Variants in HS6ST3 observed in about 807,000 individuals in gnomAD.
HS6ST3 encodes the protein heparan sulfate 6-O-sulfotransferase 3, also known as heparan-sulfate 6-O-sulfotransferase 3.
HS6ST3 carries 12 observed loss-of-function variants against 36.7 expected under a neutral mutation model. That is an observed-to-expected ratio of 0.33 (90% CI 0.21 to 0.53). HS6ST3 has a LOEUF of 0.53. HS6ST3 is among the 20% of genes least tolerant of loss of function. HS6ST3 has a pLI of 0.95. For missense variants in HS6ST3, 584 were observed against 640.9 expected (o/e 0.91, Z 0.96); for synonymous variants, 240 against 257.5 (o/e 0.93, Z 0.65).
At chr13:96,526,279 C>T (rs1401473449) in intron 1 of HS6ST3, among the ~76,000 whole-genome samples, 1 of 152,066 alleles carries the variant, frequency 6.6e-6, no homozygotes, top group African/African-American at 2.4e-5. Flanking sequence ...GGAATTTACC[C>T]CAAGGATGAG....
At chr13:96,143,336 A>T in intron 1 of HS6ST3, among the ~76,000 whole-genome samples, 1 of 151,242 alleles carries the variant, frequency 6.6e-6, no homozygotes, top group East Asian at 1.9e-4. Flanking sequence ...ATTTAGGCTG[A>T]TTATCTGATA....
intron 1 of HS6ST3, among the ~76,000 whole-genome samples, chr13:96,504,153 C>T (rs905657878): frequency 6.6e-6 from 1 of 152,092 alleles, no homozygotes; most frequent in African/African-American, 2.4e-5. Flanking sequence ...GTTCATAGCA[C>T]TTAGGAAGTA....
chr13:96,434,471 G>A (rs573632203), intron 1 of HS6ST3, among the ~76,000 whole-genome samples: 1 of 152,254 alleles, frequency 6.6e-6, no homozygotes, highest in South Asian at 2.1e-4. Context: ...CTCCCTGCAG[G>A]CCCCTTGCCC....
chr13:96,528,133 C>T (rs760783960), intron 1 of HS6ST3, among the ~76,000 whole-genome samples: 3 of 152,170 alleles, frequency 2.0e-5, no homozygotes, highest in Non-Finnish European at 4.4e-5. Context: ...ATGAGAAGTA[C>T]ATGCTAAATA....
chr13:96,556,789 G>A (rs2056242659), intron 1 of HS6ST3, among the ~76,000 whole-genome samples: 1 of 152,136 alleles, frequency 6.6e-6, no homozygotes, highest in Non-Finnish European at 1.5e-5. Flanking sequence ...TATGAGAAGA[G>A]GAAACAATAG....
intron 1 of HS6ST3, among the ~76,000 whole-genome samples, chr13:96,267,080 G>A (rs1253891136): frequency 6.6e-6 from 1 of 152,144 alleles, no homozygotes; most frequent in Non-Finnish European, 1.5e-5. Flanking sequence ...TCTCATGATA[G>A]TGAATAAGTC....
chr13:96,158,055 G>A (rs1449764905), intron 1 of HS6ST3, among the ~76,000 whole-genome samples: 1 of 152,176 alleles, frequency 6.6e-6, no homozygotes, highest in Non-Finnish European at 1.5e-5. Flanking sequence ...GAGGAAATGA[G>A]TTTTCTTAGG....
chr13:96,727,895 A>T (rs996839505), intron 1 of HS6ST3, among the ~76,000 whole-genome samples: 1 of 152,050 alleles, frequency 6.6e-6, no homozygotes, highest in African/African-American at 2.4e-5. Flanking sequence ...CAACTTTCAA[A>T]TTTTATTTCC....
At chr13:96,286,526 G>C (rs1925121) in intron 1 of HS6ST3, among the ~76,000 whole-genome samples, 84,240 of 152,078 alleles carry the variant, frequency 0.55, 24,146 homozygotes, top group African/African-American at 0.7. Context: ...AATAGAATCT[G>C]TAGGTCTATA....
In HS6ST3 at chr13:96,800,274, A is replaced by T. The variant is rs1288318189; in HGVS notation, c.708-32216A>T. Among the ~76,000 whole-genome samples, 7 of 150,826 alleles carry T rather than the reference A, an allele frequency of 4.6e-5. No individual in the cohort carries two copies. The East Asian group carries it at 1.4e-3, about 30-fold the overall frequency. On this transcript the variant is annotated intron_variant, in intron 1 of 1. Transcript: ENST00000376705. ...GTGTCAGTTATAAAGCTGCAATTTCACTTCATTTCTTCTGTCCCTCAGTGT... is the reference window on the plus strand; with the variant it reads ...GTGTCAGTTATAAAGCTGCAATTTCTCTTCATTTCTTCTGTCCCTCAGTGT...
At chr13:96,406,471 G>T (rs2055478936) in intron 1 of HS6ST3, among the ~76,000 whole-genome samples, 1 of 152,180 alleles carries the variant, frequency 6.6e-6, no homozygotes, top group South Asian at 2.1e-4. Context: ...ACACTGAAGT[G>T]CTGTATGTAT....
chr13:96,594,550 T>A (rs1168404415), intron 1 of HS6ST3, among the ~76,000 whole-genome samples: 1 of 152,168 alleles, frequency 6.6e-6, no homozygotes, highest in Non-Finnish European at 1.5e-5. Flanking sequence ...TATTCTAAAC[T>A]GATGAGAACT....
At chr13:96,273,237 C>T (rs1169735938) in intron 1 of HS6ST3, among the ~76,000 whole-genome samples, 2 of 151,864 alleles carry the variant, frequency 1.3e-5, no homozygotes, top group Non-Finnish European at 2.9e-5. Flanking sequence ...AGGGCTATGG[C>T]TAGTTCTGAC....
intron 1 of HS6ST3, among the ~76,000 whole-genome samples, chr13:96,167,392 T>A (rs1241830414): frequency 6.6e-6 from 1 of 152,182 alleles, no homozygotes; most frequent in East Asian, 1.9e-4. Context: ...AATTCCAGTG[T>A]TTGTTCAGGA....
chr13:96,779,853 C>G (rs938322548), intron 1 of HS6ST3, among the ~76,000 whole-genome samples: 1 of 151,454 alleles, frequency 6.6e-6, no homozygotes, highest in Non-Finnish European at 1.5e-5. Context: ...TCACAAAGAT[C>G]ACATTTCAAG....
At chr13:96,143,309 T>C (rs2054040992) in intron 1 of HS6ST3, among the ~76,000 whole-genome samples, 1 of 151,678 alleles carries the variant, frequency 6.6e-6, no homozygotes, top group East Asian at 1.9e-4. Flanking sequence ...CACAGTAATG[T>C]CTCTTAACCA....
intron 1 of HS6ST3, among the ~76,000 whole-genome samples, chr13:96,571,386 G>T (rs1253067445): frequency 1.3e-5 from 2 of 152,102 alleles, no homozygotes; most frequent in Admixed American, 1.3e-4. Flanking sequence ...ATTTAAGATT[G>T]TATCTATGTC....
At chr13:96,363,112 G>A (rs2055246464) in intron 1 of HS6ST3, among the ~76,000 whole-genome samples, 2 of 151,944 alleles carry the variant, frequency 1.3e-5, no homozygotes, top group Non-Finnish European at 2.9e-5. Flanking sequence ...ACATGTGATC[G>A]AATTGCATAG....
chr13:96,477,453 T>C (rs2055869498), intron 1 of HS6ST3, among the ~76,000 whole-genome samples: 1 of 152,274 alleles, frequency 6.6e-6, no homozygotes, highest in Non-Finnish European at 1.5e-5. Flanking sequence ...TATGTATTTG[T>C]AGGCTTAGGT....
Sources: allele counts gnomAD v4.1 joint callset (sites outside exome capture counted in the v4.1 genomes callset), GRCh38; gene constraint gnomAD v4.1.1; transcripts MANE v1.5; gene names NCBI Gene and HGNC (gene_info 2026-07-23, HGNC 2026-07-21).